The following AGBL4 variants were observed in gnomAD, a reference collection of about 807,000 sequenced individuals.
AGBL4 encodes the protein cytosolic carboxypeptidase 6.
AGBL4 carries 58 observed loss-of-function variants against 66.4 expected under a neutral mutation model. The ratio of observed to expected loss-of-function variants is 0.87; its 90% CI spans 0.71 to 1.09. AGBL4 has a LOEUF of 1.09. AGBL4 is among the 50% of genes least tolerant of loss of function. The pLI, the probability that AGBL4 is intolerant of heterozygous loss-of-function variation, is 0.00. For missense variants in AGBL4, 579 were observed against 631.0 expected, an observed-to-expected ratio of 0.92 and a Z score of 0.88; for synonymous variants, 234 against 222.9, an observed-to-expected ratio of 1.05 and a Z score of -0.44.
At chr1:49,244,429 C>T (rs1324428670) in intron 4 of AGBL4, among the ~76,000 whole-genome samples, 1 of 151,632 alleles carries the variant, frequency 6.6e-6, no homozygotes, top group Admixed American at 6.6e-5. Flanking sequence ...TACAGGAAAG[C>T]AAAAAATCAT....
intron 3 of AGBL4, among the ~76,000 whole-genome samples, chr1:49,477,362 A>T (rs1283331161): frequency 6.6e-6 from 1 of 152,108 alleles, no homozygotes; most frequent in Non-Finnish European, 1.5e-5. Flanking sequence ...CACGTAGCTT[A>T]GAGTGGAGAG....
At chr1:49,143,527 T>A (rs1557676744) in intron 4 of AGBL4, among the ~76,000 whole-genome samples, 1 of 152,126 alleles carries the variant, frequency 6.6e-6, no homozygotes, top group African/African-American at 2.4e-5. Context: ...GGACTGTGAG[T>A]TCCGTGAGGG....
intron 2 of AGBL4, among the ~76,000 whole-genome samples, chr1:49,747,991 GATTT>G (rs1374922927): frequency 6.6e-6 from 1 of 150,786 alleles, no homozygotes; most frequent in Non-Finnish European, 1.5e-5. Flanking sequence ...GACAAAGAAA[GATTT>G]ATTTACTTTT....
At chr1:49,331,093 G>C (rs959174672) in intron 3 of AGBL4, among the ~76,000 whole-genome samples, 1 of 152,166 alleles carries the variant, frequency 6.6e-6, no homozygotes, top group Non-Finnish European at 1.5e-5. Flanking sequence ...CACTCCACTA[G>C]GGTCTTGGGT....
chr1:49,340,477 T>G (rs1645517685), intron 3 of AGBL4, among the ~76,000 whole-genome samples: 1 of 152,196 alleles, frequency 6.6e-6, no homozygotes, highest in African/African-American at 2.4e-5. Flanking sequence ...ATCTAAAAAC[T>G]CCATTGTACT....
Position 49,388,044 on chromosome 1 carries a change from A to T in AGBL4, c.283-142180T>A, listed in dbSNP as rs545868387. On this transcript the variant is annotated intron_variant, in intron 3 of 13. Coordinates refer to ENST00000371839, the MANE Select transcript of AGBL4 (RefSeq NM_032785.4). The stretch of plus-strand genomic sequence containing the variant: ...GACTGAACAAAATAATACACAAAAA[A>T]CACATAGGACAGTGGTTGACATTGT... Among the ~76,000 whole-genome samples the T allele has an allele frequency of 1.7e-4, 26 of 152,212 alleles. 1 individual carries two copies. The South Asian group carries it at 5.2e-3, about 30-fold the overall frequency.
At chr1:48,670,512 C>G (rs182590416) in intron 6 of AGBL4, among the ~76,000 whole-genome samples, 2 of 152,228 alleles carry the variant, frequency 1.3e-5, no homozygotes, top group African/African-American at 4.8e-5. Flanking sequence ...ATCTGAGATA[C>G]AGGCGGCTTG....
chr1:49,044,825 G>A (rs1348398727), intron 5 of AGBL4, among the ~76,000 whole-genome samples: 1 of 152,168 alleles, frequency 6.6e-6, no homozygotes, highest in Non-Finnish European at 1.5e-5. Flanking sequence ...TCTAGAAGCT[G>A]GAAAAGGCAG....
intron 5 of AGBL4, among the ~76,000 whole-genome samples, chr1:48,938,698 T>C (rs1439544874): frequency 1.3e-5 from 2 of 152,212 alleles, no homozygotes; most frequent in Non-Finnish European, 2.9e-5. Flanking sequence ...TAACTTTGCA[T>C]ATACTCTTTT....
At chr1:48,905,296 T>C (rs186686044) in intron 5 of AGBL4, among the ~76,000 whole-genome samples, 1 of 152,362 alleles carries the variant, frequency 6.6e-6, no homozygotes, top group African/African-American at 2.4e-5. Context: ...GCAGGCCTTC[T>C]AATTTTACAT....
rs1284184889 is a variant in AGBL4, at chr1:49,174,489, T to C, written c.377+71281A>G. Among the ~76,000 whole-genome samples the C allele has an allele frequency of 2.6e-5, 4 of 152,296 alleles. No homozygotes were observed. The East Asian group carries it at 7.7e-4, about 29-fold the overall frequency. ...TCCTTTTCCATAATTTCATGTTTAA[T>C]ATGCATGGTCTCTTTCTAAGTATTC... On this transcript the variant is annotated intron_variant, in intron 4 of 13. Transcript: ENST00000371839.
chr1:49,067,063 C>G (rs1012898139), intron 4 of AGBL4, among the ~76,000 whole-genome samples: 4 of 152,146 alleles, frequency 2.6e-5, no homozygotes, highest in Non-Finnish European at 5.9e-5. Context: ...GCAAGAAATA[C>G]AGGCATCCTG....
chr1:48,913,341 C>A (rs1038001447), intron 5 of AGBL4, among the ~76,000 whole-genome samples: 14 of 152,138 alleles, frequency 9.2e-5, no homozygotes, highest in African/African-American at 3.4e-4. Flanking sequence ...TCATAGATAG[C>A]TTAAGGCAGA....
intron 2 of AGBL4, among the ~76,000 whole-genome samples, chr1:49,706,299 T>C (rs927713901): frequency 6.6e-6 from 1 of 152,162 alleles, no homozygotes; most frequent in Non-Finnish European, 1.5e-5. Context: ...GTCCAGGAAT[T>C]CATCCATTTC....
chr1:49,536,096 C>T (rs150720477), intron 3 of AGBL4, among the ~76,000 whole-genome samples: 14 of 152,286 alleles, frequency 9.2e-5, no homozygotes, highest in Non-Finnish European at 1.6e-4. Context: ...ATTTATTTAG[C>T]TTTCATTGTA....
intron 3 of AGBL4, among the ~76,000 whole-genome samples, chr1:49,518,021 C>T (rs963055965): frequency 6.6e-6 from 1 of 152,048 alleles, no homozygotes; most frequent in Non-Finnish European, 1.5e-5. Context: ...TACTTGGTGC[C>T]TATCATTTGC....
chr1:49,462,426 C>T (rs1396120866), intron 3 of AGBL4, among the ~76,000 whole-genome samples: 1 of 151,638 alleles, frequency 6.6e-6, no homozygotes, highest in Non-Finnish European at 1.5e-5. Flanking sequence ...AAATGAAATA[C>T]AGACCAGCTG....
At chr1:48,640,031 C>T (rs1645729663) in intron 8 of AGBL4, among the ~76,000 whole-genome samples, 1 of 152,146 alleles carries the variant, frequency 6.6e-6, no homozygotes, top group Non-Finnish European at 1.5e-5. Flanking sequence ...TGGGTCCCTG[C>T]CCTGAGTCTC....
intron 5 of AGBL4, among the ~76,000 whole-genome samples, chr1:49,042,540 A>G (rs1250087392): frequency 6.6e-6 from 1 of 152,142 alleles, no homozygotes; most frequent in Non-Finnish European, 1.5e-5. Context: ...AGTGCCACAG[A>G]ACTGCTTCTT....
Sources: allele counts gnomAD v4.1 joint callset (sites outside exome capture counted in the v4.1 genomes callset), GRCh38; gene constraint gnomAD v4.1.1; transcripts MANE v1.5; gene names NCBI Gene and HGNC (gene_info 2026-07-23, HGNC 2026-07-21).